The following ANKRD42 variants were observed in gnomAD, a reference collection of about 807,000 sequenced individuals.
The protein encoded by ANKRD42 is ankyrin repeat domain 42.
A neutral mutation model predicts 51.5 loss-of-function variants in ANKRD42; 43 were observed. The observed-to-expected ratio is 0.83, with a 90% CI of 0.65 to 1.08. The LOEUF (loss-of-function observed/expected upper bound fraction) is 1.08, where lower values mean the gene tolerates loss of function less well. Among genes scored for constraint, ANKRD42 ranks in the 50% least tolerant of loss-of-function variants. ANKRD42 has a pLI of 0.00. For missense variants in ANKRD42, 608 were observed against 629.3 expected (o/e 0.97, Z 0.36); for synonymous variants, 203 against 213.0 (o/e 0.95, Z 0.41).
At chr11:83,245,672 A>G in intron 10 of ANKRD42, 48 bp downstream of exon 10, 1 of 1,496,490 alleles carries the variant, frequency 6.7e-7, no homozygotes, top group Non-Finnish European at 8.9e-7. Flanking sequence ...ACCTCTCTAA[A>G]TGCCATGTGA....
At chr11:83,243,680 T>C (rs1432313338) in intron 9 of ANKRD42, among the ~76,000 whole-genome samples, 2 of 152,114 alleles carry the variant, frequency 1.3e-5, no homozygotes, top group African/African-American at 4.8e-5. Flanking sequence ...TTTATTTATT[T>C]TGAGACGGAG....
In ANKRD42 at chr11:83,242,567, GTT is replaced by G. The variant is rs539259244; in HGVS notation, c.1195+1650_1195+1651del. Among the ~76,000 whole-genome samples, 55 of 115,520 alleles carry G rather than the reference GTT, an allele frequency of 4.8e-4. 1 individual carries two copies. Among genetic ancestry groups the G allele is most frequent in the South Asian group, 6.3e-4 (2 of 3,192 alleles). The allele number at this position is 115,520 out of a possible 152,430, so 75.8% of individuals were successfully genotyped here. ...GGGGAATTCGGTGAATGGTAGTTAA[GTT>G]TTTTTTTTTTTTTTTTAGATGGAGT... On this transcript the variant is annotated intron_variant, in intron 9 of 10. Transcript: ENST00000533342.
intron 6 of ANKRD42, among the ~76,000 whole-genome samples, 169 bp downstream of exon 6, chr11:83,225,224 C>T (rs1211355650): frequency 6.6e-6 from 1 of 151,984 alleles, no homozygotes; most frequent in Non-Finnish European, 1.5e-5. Flanking sequence ...TATTACATAT[C>T]GTTGTCTATA....
chr11:83,253,753 C>T (rs1031317557), downstream of ANKRD42, among the ~76,000 whole-genome samples: 7 of 152,162 alleles, frequency 4.6e-5, no homozygotes, highest in Admixed American at 3.9e-4. Flanking sequence ...AAAATGTTCT[C>T]CAAATGCAGA....
chr11:83,235,152 A>G (rs1863188172), intron 7 of ANKRD42, among the ~76,000 whole-genome samples: 1 of 152,230 alleles, frequency 6.6e-6, no homozygotes, highest in Non-Finnish European at 1.5e-5. Context: ...ATTATACCAT[A>G]AAAGAACTAG....
At chr11:83,194,917 T>G (rs1861578283) in intron 1 of ANKRD42, among the ~76,000 whole-genome samples, 189 bp downstream of exon 1, 1 of 152,202 alleles carries the variant, frequency 6.6e-6, no homozygotes, top group Non-Finnish European at 1.5e-5. Context: ...CCGCTTTCTT[T>G]CCTTTTTTCC....
rs775401770 is a variant in ANKRD42 at position 83,236,480 on chromosome 11, A to C, written c.990A>C (p.Ala330=). ...MGADSNITNK[A]GERPSDVAKR... The stretch of plus-strand genomic sequence containing the variant: ...CAGACAGTAATATTACCAACAAAGC[A>C]GGGGAGAGACCCAGTGATGTGGCAA... Residue 330 remains alanine, a synonymous_variant, in exon 8 of 11, where the codon GCA becomes GCC. Transcript: ENST00000533342. 19 of 1,611,676 alleles carry C rather than the reference A, an allele frequency of 1.2e-5. No homozygotes were observed. The East Asian group carries it at 4.2e-4, about 36-fold the overall frequency.
intron 7 of ANKRD42, among the ~76,000 whole-genome samples, chr11:83,228,382 C>G (rs1367569587): frequency 6.6e-6 from 1 of 151,474 alleles, no homozygotes; most frequent in Non-Finnish European, 1.5e-5. Context: ...GCATGTGCCA[C>G]CACACCCGGC....
chr11:83,230,645 G>A (rs976184195), intron 7 of ANKRD42, among the ~76,000 whole-genome samples: 8 of 151,710 alleles, frequency 5.3e-5, no homozygotes, highest in Admixed American at 5.2e-4. Flanking sequence ...GGAGTGCAGT[G>A]GCGCGATCTC....
Position 83,193,765 on chromosome 11 carries a change from G to C in ANKRD42, c.-906G>C, listed in dbSNP as rs946566597. On this transcript the variant is annotated 5_prime_UTR_variant, in exon 1 of 11. Transcript: ENST00000533342. The stretch of plus-strand genomic sequence containing the variant: ...CCTCTCCAGCCAAGTGGCTGGAGTC[G>C]GGAGGCTGGAAAGAGACTCCGAGAA... The C allele has an allele frequency of 2.7e-5, 12 of 442,636 alleles. No homozygotes were observed. Among genetic ancestry groups the C allele is most frequent in the East Asian group, 7.0e-5 (1 of 14,206 alleles). 27.4% of individuals were successfully genotyped at this position (442,636 alleles called of 1,614,324 possible). A position where few individuals can be genotyped will look rare whatever the true frequency, so the allele number is the denominator to read the frequency against.
chr11:83,236,468 T>G lies in ANKRD42; in HGVS notation c.978T>G (p.Ile326Met), dbSNP rs1372654879. 1 of 1,612,244 alleles carries G rather than the reference T, an allele frequency of 6.2e-7. No individual in the cohort carries two copies. The highest frequency in any genetic ancestry group is 2.2e-5 in the East Asian group (1 of 44,844). Residue 326 changes from isoleucine to methionine, a missense_variant, in exon 8 of 11, where the codon ATT becomes ATG. Coordinates refer to ENST00000533342, the MANE Select transcript of ANKRD42 (RefSeq NM_001300975.2). ...TTAAAATGGGAGCAGACAGTAATAT[T>G]ACCAACAAAGCAGGGGAGAGACCCA... is the stretch of plus-strand genomic sequence containing the variant. ...WLIKMGADSN[I>M]TNKAGERPSD... is the part of the protein sequence containing the mutation.
rs1439698425 is a variant in ANKRD42 at position 83,193,758 on chromosome 11, T to G, written c.-913T>G. The G allele has an allele frequency of 4.6e-6, 2 of 436,554 alleles. No homozygotes were observed. Among genetic ancestry groups the G allele is most frequent in the African/African-American group, 4.1e-5 (2 of 48,566 alleles). The allele number at this position is 436,554 out of a possible 1,614,324, so 27.0% of individuals were successfully genotyped here. A position where few individuals can be genotyped will look rare whatever the true frequency, so the allele number is the denominator to read the frequency against. ...CCTGCTGCCTCTCCAGCCAAGTGGC[T>G]GGAGTCGGGAGGCTGGAAAGAGACT... On this transcript the variant is annotated 5_prime_UTR_variant, in exon 1 of 11. Transcript: ENST00000533342.
downstream of ANKRD42, chr11:83,261,885 C>T (rs1426614753): frequency 1.3e-6 from 2 of 1,560,632 alleles, no homozygotes; most frequent in Non-Finnish European, 8.7e-7. Flanking sequence ...AAGAAGCCAA[C>T]AGCCACAGCA....
intron 5 of ANKRD42, among the ~76,000 whole-genome samples, chr11:83,216,019 T>G (rs2135513673): frequency 6.6e-6 from 1 of 152,320 alleles, no homozygotes; most frequent in East Asian, 1.9e-4. Context: ...GGTCTCAAAC[T>G]CCTGACCTCA....
chr11:83,224,802 C>T (rs1252629388), intron 5 of ANKRD42, 53 bp from the exon 6 acceptor site: 2 of 1,376,000 alleles, frequency 1.5e-6, no homozygotes, highest in Non-Finnish European at 1.9e-6. Context: ...TACATACATA[C>T]ATAAAAATTT....
rs535526222 is a variant in ANKRD42 at position 83,240,004 on chromosome 11, G to T, written c.1020-755G>T. ...ATTACTATGTCTTTAATGATTTGCAGTATCTGGTAGGAGGTAATGTGTGTG... is the reference window on the plus strand; with the variant it reads ...ATTACTATGTCTTTAATGATTTGCATTATCTGGTAGGAGGTAATGTGTGTG... On this transcript the variant is annotated intron_variant, in intron 8 of 10. Coordinates refer to ENST00000533342, the MANE Select transcript of ANKRD42 (RefSeq NM_001300975.2). 2.6e-5 allele frequency among the ~76,000 whole-genome samples: 4 copies of T among 152,304 alleles called. No individual in the cohort carries two copies. In the South Asian group the frequency reaches 8.3e-4, roughly 32 times the overall value.
At chr11:83,201,846 T>C (rs1171666708) in intron 2 of ANKRD42, among the ~76,000 whole-genome samples, 2 of 152,184 alleles carry the variant, frequency 1.3e-5, no homozygotes, top group South Asian at 2.1e-4. Context: ...TTGATGGGGT[T>C]GTTTTTTTCT....
intron 2 of ANKRD42, among the ~76,000 whole-genome samples, chr11:83,198,876 G>A (rs1328219498): frequency 6.6e-6 from 1 of 152,126 alleles, no homozygotes; most frequent in East Asian, 1.9e-4. Flanking sequence ...CAAGAATTTG[G>A]ATCCCGGAGA....
rs910384146 is a variant in ANKRD42 at position 83,194,030 on chromosome 11, G to A, written c.-641G>A. The A allele has an allele frequency of 1.8e-5, 8 of 456,280 alleles. No homozygotes were observed. Among genetic ancestry groups the A allele is most frequent in the Non-Finnish European group, 3.1e-5 (7 of 226,802 alleles). 28.3% of individuals were successfully genotyped at this position (456,280 alleles called of 1,614,324 possible). On this transcript the variant is annotated 5_prime_UTR_variant, in exon 1 of 11. Coordinates refer to ENST00000533342, the MANE Select transcript of ANKRD42 (RefSeq NM_001300975.2). ...GCCGGCTTCTCCCGCAGTGACTTGAGAAGGGTCAGTGAAAACCTCGGCCAC... is the reference window on the plus strand; with the variant it reads ...GCCGGCTTCTCCCGCAGTGACTTGAAAAGGGTCAGTGAAAACCTCGGCCAC...
Sources: allele counts gnomAD v4.1 joint callset (sites outside exome capture counted in the v4.1 genomes callset), GRCh38; gene constraint gnomAD v4.1.1; transcripts MANE v1.5; gene names NCBI Gene and HGNC (gene_info 2026-07-23, HGNC 2026-07-21).